The following UVRAG variants were observed in gnomAD, a reference collection of about 807,000 sequenced individuals.
UVRAG encodes the protein UV radiation resistance-associated gene protein.
A neutral mutation model predicts 78.0 loss-of-function variants in UVRAG; 19 were observed. The observed-to-expected ratio is 0.24, with a 90% CI of 0.17 to 0.36. UVRAG has a LOEUF of 0.36. Ranked by LOEUF, UVRAG falls within the 10% of genes least tolerant of loss-of-function variation. The pLI is 1.00. For synonymous variants in UVRAG, 323 were observed against 324.6 expected, an observed-to-expected ratio of 1.00 and a Z score of 0.05; for missense variants, 740 against 853.8, an observed-to-expected ratio of 0.87 and a Z score of 1.66.
chr11:76,094,264 A>C (rs2134433054), intron 13 of UVRAG, among the ~76,000 whole-genome samples: 1 of 152,258 alleles, frequency 6.6e-6, no homozygotes, highest in East Asian at 1.9e-4. Context: ...GTTTGCCAGT[A>C]TTTTATAGAG....
chr11:75,982,658 G>T (rs984937550), intron 7 of UVRAG, among the ~76,000 whole-genome samples: 3 of 152,142 alleles, frequency 2.0e-5, no homozygotes, highest in African/African-American at 7.2e-5. Context: ...ACGGGCAGGG[G>T]GGTTAGAGCA....
chr11:76,102,554 CT>C (rs1222421112), intron 13 of UVRAG, among the ~76,000 whole-genome samples: 1 of 152,036 alleles, frequency 6.6e-6, no homozygotes, highest in Non-Finnish European at 1.5e-5. Context: ...TTAGGATGCC[CT>C]TTATTTATTT....
rs146122619 is a variant in UVRAG at position 75,897,871 on chromosome 11, A to ATTTTTTTTTTTTTT, written c.507+8973_507+8986dup. ...ATATACTTACCTTCATAGCTCTTTAATTTTTTTTTTTTTTTTTTGGACAAG... is the reference window on the plus strand; with the variant it reads ...ATATACTTACCTTCATAGCTCTTTAATTTTTTTTTTTTTTTTTTTTTTTTTTTTTTTTGGACAAG... On this transcript the variant is annotated intron_variant, in intron 5 of 14. Coordinates refer to ENST00000356136, the MANE Select transcript of UVRAG (RefSeq NM_003369.4). Among the ~76,000 whole-genome samples the ATTTTTTTTTTTTTT allele has an allele frequency of 9.0e-3, 974 of 108,786 alleles. 41 individuals are homozygous for ATTTTTTTTTTTTTT. The highest frequency in any genetic ancestry group is 0.022 in the East Asian group (76 of 3,442). The allele number at this position is 108,786 out of a possible 152,430, so 71.4% of individuals were successfully genotyped here.
At chr11:75,988,209 A>G (rs1026785465) in intron 8 of UVRAG, among the ~76,000 whole-genome samples, 4 of 152,340 alleles carry the variant, frequency 2.6e-5, no homozygotes, top group East Asian at 1.9e-4. Flanking sequence ...GCAGGTAGCT[A>G]CCACCACAAT....
At chr11:76,127,659 A>G (rs1424228573) in intron 14 of UVRAG, among the ~76,000 whole-genome samples, 2 of 148,856 alleles carry the variant, frequency 1.3e-5, no homozygotes, top group Non-Finnish European at 3.0e-5. Context: ...AAATGAATGA[A>G]TGAATGAATC....
At position 75,815,238 on chromosome 11, in the gene UVRAG, C is replaced by T; in HGVS notation, c.-170C>T. On this transcript the variant is annotated 5_prime_UTR_variant, in exon 1 of 15. Coordinates refer to ENST00000356136, the MANE Select transcript of UVRAG (RefSeq NM_003369.4). ...AATATGGCTCTTCCTTAGCCAGCGG[C>T]GGCAACGGCGGCAGCGGCGGCAGCG... is the stretch of plus-strand genomic sequence containing the variant. 2 of 448,776 alleles carry T rather than the reference C, an allele frequency of 4.5e-6. No homozygotes were observed. Among genetic ancestry groups the T allele is most frequent in the Middle Eastern group, 5.2e-4 (1 of 1,936 alleles). 27.8% of individuals were successfully genotyped at this position (448,776 alleles called of 1,614,324 possible).
chr11:75,842,530 C>T (rs550623612), intron 1 of UVRAG, among the ~76,000 whole-genome samples: 1 of 151,828 alleles, frequency 6.6e-6, no homozygotes, highest in Admixed American at 6.6e-5. Flanking sequence ...CAACCTCCCC[C>T]TCCTGGGTTC....
intron 4 of UVRAG, among the ~76,000 whole-genome samples, chr11:75,881,360 C>T (rs537050191): frequency 6.6e-6 from 1 of 152,284 alleles, no homozygotes; most frequent in Admixed American, 6.5e-5. Flanking sequence ...GGCAGGACAA[C>T]TTGAAACAAA....
chr11:76,020,753 C>T (rs1209494009), intron 12 of UVRAG, among the ~76,000 whole-genome samples: 2 of 148,692 alleles, frequency 1.3e-5, no homozygotes, highest in African/African-American at 5.0e-5. Context: ...GTCCCATGTC[C>T]ATTGCCTCTA....
intron 14 of UVRAG, among the ~76,000 whole-genome samples, chr11:76,121,328 A>C (rs115083367): frequency 6.6e-6 from 1 of 152,216 alleles, no homozygotes; most frequent in Admixed American, 6.5e-5. Flanking sequence ...ATTATAACCT[A>C]GTCGTAACTG....
intron 12 of UVRAG, among the ~76,000 whole-genome samples, chr11:76,050,109 C>T (rs979174175): frequency 6.6e-6 from 1 of 152,208 alleles, no homozygotes; most frequent in African/African-American, 2.4e-5. Flanking sequence ...TACTCACTGG[C>T]GTTTGCTCTA....
chr11:75,820,653 C>T (rs1945367395), intron 1 of UVRAG, among the ~76,000 whole-genome samples: 1 of 152,204 alleles, frequency 6.6e-6, no homozygotes. Flanking sequence ...CCGCACCCGG[C>T]CTCACTTATT....
chr11:76,036,687 T>A (rs188331576), intron 12 of UVRAG, among the ~76,000 whole-genome samples: 2 of 151,732 alleles, frequency 1.3e-5, no homozygotes, highest in Admixed American at 1.3e-4. Context: ...GGAATAAAGA[T>A]TAGAAGACAT....
At chr11:76,009,113 A>G (rs1950003519) in intron 11 of UVRAG, among the ~76,000 whole-genome samples, 1 of 152,170 alleles carries the variant, frequency 6.6e-6, no homozygotes, top group Non-Finnish European at 1.5e-5. Flanking sequence ...GCTTTAAGCA[A>G]ATTAGACAGT....
In UVRAG at chr11:75,983,712, A is replaced by T. The variant is rs560018304; in HGVS notation, c.826+199A>T. 27 of 687,984 alleles carry T rather than the reference A, an allele frequency of 3.9e-5. No individual in the cohort carries two copies. In the African/African-American group the frequency reaches 4.9e-4, roughly 12 times the overall value. 42.6% of individuals were successfully genotyped at this position (687,984 alleles called of 1,614,324 possible). On this transcript the variant is annotated intron_variant, in intron 8 of 14. Coordinates refer to ENST00000356136, the MANE Select transcript of UVRAG (RefSeq NM_003369.4). Reference sequence around the variant, plus strand: ...ATAGAGTATGTTTACACAAGCTCAGATGGTATAAACTACTACTACACACCT... The same window carrying T: ...ATAGAGTATGTTTACACAAGCTCAGTTGGTATAAACTACTACTACACACCT...
chr11:76,116,715 C>T (rs1230343981), intron 14 of UVRAG, among the ~76,000 whole-genome samples: 9 of 152,188 alleles, frequency 5.9e-5, no homozygotes. Context: ...CTTACAAAAT[C>T]ACGTGCCTGG....
chr11:75,949,053 C>T (rs183209832), intron 6 of UVRAG, among the ~76,000 whole-genome samples: 106 of 152,240 alleles, frequency 7.0e-4, no homozygotes, highest in African/African-American at 2.0e-3. Context: ...AGAGTTGAAG[C>T]TAAGAAACCA....
chr11:76,081,362 C>T (rs992552588), intron 13 of UVRAG, among the ~76,000 whole-genome samples: 2 of 152,036 alleles, frequency 1.3e-5, no homozygotes, highest in Middle Eastern at 3.2e-3. Flanking sequence ...CCTGCCACCA[C>T]GCCCAACTAG....
At chr11:75,920,694 A>AT (rs1303751198) in intron 6 of UVRAG, among the ~76,000 whole-genome samples, 2 of 152,000 alleles carry the variant, frequency 1.3e-5, no homozygotes, top group Admixed American at 1.3e-4. Flanking sequence ...ATCCATCTGT[A>AT]TTTTTTCCCA....
Sources: gnomAD v4.1 joint callset for allele counts (sites outside exome capture counted in the v4.1 genomes callset) on GRCh38, gnomAD v4.1.1 for gene constraint, MANE v1.5 for transcripts, NCBI Gene and HGNC (gene_info 2026-07-23, HGNC 2026-07-21) for gene names.